The following ADGRG3 variants were observed in gnomAD, a reference collection of about 807,000 sequenced individuals.
ADGRG3 encodes G protein-coupled receptor 97.
ADGRG3 carries 39 observed loss-of-function variants against 54.3 expected under a neutral mutation model. The observed-to-expected ratio is 0.72, with a 90% CI of 0.56 to 0.94. ADGRG3 has a LOEUF of 0.94. Among genes scored for constraint, ADGRG3 ranks in the 40% least tolerant of loss-of-function variants. The pLI, the probability that ADGRG3 is intolerant of heterozygous loss-of-function variation, is 0.00. For synonymous variants in ADGRG3, 312 were observed against 290.0 expected (o/e 1.08, Z -0.77); for missense variants, 654 against 694.6 (o/e 0.94, Z 0.66).
rs756896415 is a variant in ADGRG3 at position 57,684,045 on chromosome 16, A to AG, written c.999dup (p.Ser334ValfsTer2). The AG allele has an allele frequency of 1.2e-6, 2 of 1,613,866 alleles. No homozygotes were observed. Among genetic ancestry groups the AG allele is most frequent in the Admixed American group, 3.3e-5 (2 of 59,996 alleles). ...TTGGTCAATGTGGGGAGTGGCTCAA[A>AG]GGGGTCTGATGCTGCCTGCTGGGCC... On this transcript the variant is annotated frameshift_variant, in exon 9 of 12. Coordinates refer to ENST00000333493, the MANE Select transcript of ADGRG3 (RefSeq NM_170776.5). LOFTEE classifies it high-confidence loss of function.
At chr16:57,667,261 G>A (rs535937878), upstream of ADGRG3, among the ~76,000 whole-genome samples, 3 of 152,234 alleles carry the variant, frequency 2.0e-5, no homozygotes, top group African/African-American at 7.2e-5. Flanking sequence ...GGCTGAGTAG[G>A]GCTAGTGCCA....
intron 1 of ADGRG3, among the ~76,000 whole-genome samples, chr16:57,670,131 C>T (rs2048127797): frequency 6.6e-6 from 1 of 152,206 alleles, no homozygotes; most frequent in African/African-American, 2.4e-5. Context: ...TCCTCCTGCC[C>T]TCTGACCTCC....
intron 1 of ADGRG3, among the ~76,000 whole-genome samples, chr16:57,671,332 G>GT (rs60592653): frequency 0.018 from 1,562 of 86,328 alleles, 46 homozygotes; most frequent in African/African-American, 0.021. Flanking sequence ...TAGAATAGGA[G>GT]TTTTTTTTTT....
intron 5 of ADGRG3, 45 bp from the exon 6 acceptor site, chr16:57,679,771 A>C (rs1167106802): frequency 1.3e-6 from 2 of 1,542,180 alleles, no homozygotes; most frequent in Non-Finnish European, 1.8e-6. Context: ...GCCCTCCCCC[A>C]AACTTCCCTT....
At chr16:57,685,104 G>A (rs2048449060) in intron 10 of ADGRG3, among the ~76,000 whole-genome samples, 1 of 152,210 alleles carries the variant, frequency 6.6e-6, no homozygotes, top group Non-Finnish European at 1.5e-5. Context: ...CACACCTTGG[G>A]ATCCATGGGG....
At chr16:57,680,241 C>T in intron 6 of ADGRG3, 24 bp from the exon 7 acceptor site, 1 of 1,378,860 alleles carries the variant, frequency 7.3e-7, no homozygotes, top group East Asian at 2.6e-5. Context: ...CCCTTTCCCT[C>T]TGTTCCCCTG....
intron 2 of ADGRG3, chr16:57,674,659 C>T: frequency 2.4e-6 from 1 of 417,290 alleles, no homozygotes; most frequent in Non-Finnish European, 4.8e-6. Flanking sequence ...GGTATATGCC[C>T]AAAAGAATTT....
rs1173815696 is a variant in ADGRG3 at position 57,685,878 on chromosome 16, T to C, written c.1492T>C (p.Leu498=). ...VTWGLAIFTP[L]GLSTVYIFAL... is the part of the protein sequence containing the mutation. ...ATGGGGGTTGGCCATCTTCACCCCG[T>C]TGGGCCTCTCCACCGTCTACATCTT... The change falls in exon 11 of 12, where the codon TTG becomes CTG. Residue 498 remains leucine, a synonymous_variant. Transcript: ENST00000333493. 4.3e-6 allele frequency: 7 copies of C among 1,614,116 alleles called. No individual in the cohort carries two copies. The South Asian group carries it at 4.4e-5, about 10-fold the overall frequency.
At position 57,680,282 on chromosome 16, in the gene ADGRG3, T is replaced by C. The variant is rs749245144; in HGVS notation, c.685T>C (p.Ser229Pro). 6.2e-7 allele frequency: 1 copy of C among 1,603,998 alleles called. No homozygotes were observed. Among genetic ancestry groups the C allele is most frequent in the Non-Finnish European group, 8.5e-7 (1 of 1,175,950 alleles). ...CTCTCCAGGGACCACTGGAGACTGGTCTTCTGAGGGCTGCTCCACGGAGGT... is the reference window on the plus strand; with the variant it reads ...CTCTCCAGGGACCACTGGAGACTGGCCTTCTGAGGGCTGCTCCACGGAGGT... Reference protein sequence around the residue: ...DVTKGTTGDWSSEGCSTEVRP... With the variant: ...DVTKGTTGDWPSEGCSTEVRP... The change falls in exon 7 of 12, where the codon TCT becomes CCT. Residue 229 changes from serine to proline, a missense_variant. Ser to Pro is a moderately conservative substitution (Grantham distance 74). Coordinates refer to ENST00000333493, the MANE Select transcript of ADGRG3 (RefSeq NM_170776.5).
chr16:57,678,375 C>G, intron 4 of ADGRG3, 59 bp downstream of exon 4: 1 of 1,553,950 alleles, frequency 6.4e-7, no homozygotes, highest in Non-Finnish European at 8.9e-7. Context: ...CTCCATGCCA[C>G]AGTTTGCTGT....
Position 57,678,515 on chromosome 16 carries a change from C to A in ADGRG3, c.492+199C>A, listed in dbSNP as rs1271373319. Reference sequence around the variant, plus strand: ...ATGGTCTTCAGACTCACACTGGTCACACGCTCTCAGATGTTTGACCCCCAC... The same window carrying A: ...ATGGTCTTCAGACTCACACTGGTCAAACGCTCTCAGATGTTTGACCCCCAC... On this transcript the variant is annotated intron_variant, in intron 4 of 11. Transcript: ENST00000333493. The A allele has an allele frequency of 8.4e-6, 5 of 592,768 alleles. No individual in the cohort carries two copies. In the African/African-American group the frequency reaches 9.3e-5, roughly 11 times the overall value. The allele number at this position is 592,768 out of a possible 1,614,324, so 36.7% of individuals were successfully genotyped here. A position where few individuals can be genotyped will look rare whatever the true frequency, so the allele number is the denominator to read the frequency against.
Position 57,683,930 on chromosome 16 carries a change from A to T in ADGRG3, c.882-2A>T. 3 of 1,540,292 alleles carry T rather than the reference A, an allele frequency of 1.9e-6. No individual in the cohort carries two copies. Among genetic ancestry groups the T allele is most frequent in the Non-Finnish European group, 2.6e-6 (3 of 1,143,206 alleles). On this transcript the variant is annotated splice_acceptor_variant, in intron 8 of 11. Transcript: ENST00000333493. LOFTEE classifies it high-confidence loss of function. ...CTTGGGGCCTCTTATTTCTCACCCC[A>T]GGCTTTCCCGGGAGAGGTTCAAGTC...
In ADGRG3 at chr16:57,684,116, A is replaced by ACTC. The variant is rs1425487136; in HGVS notation, c.1066_1067insCTC (p.Met356delinsThrLeu). The ACTC allele has an allele frequency of 6.2e-7, 1 of 1,613,854 alleles. No individual in the cohort carries two copies. Among genetic ancestry groups the ACTC allele is most frequent in the Non-Finnish European group, 8.5e-7 (1 of 1,179,970 alleles). On this transcript the variant is annotated protein_altering_variant, in exon 9 of 12. Transcript: ENST00000333493. ...CTTCCTGCTCTGTGCCTTCACCTGGATGGGCCTTGAAGCCTTCCACCTCTA... is the reference window on the plus strand; with the variant it reads ...CTTCCTGCTCTGTGCCTTCACCTGGACTCTGGGCCTTGAAGCCTTCCACCTCTA...
chr16:57,666,349 T>C (rs1372656969), upstream of ADGRG3, among the ~76,000 whole-genome samples: 2 of 152,222 alleles, frequency 1.3e-5, no homozygotes, highest in Non-Finnish European at 1.5e-5. Flanking sequence ...CCTTCTCAGG[T>C]AGGCCCTGCA....
chr16:57,668,213 C>A (rs907462419), upstream of ADGRG3: 30 of 687,388 alleles, frequency 4.4e-5, no homozygotes, highest in Non-Finnish European at 6.9e-5. Context: ...CGCCATCGAG[C>A]AGGAAGGGTG....
In ADGRG3 at chr16:57,685,712, C is replaced by T. The variant is rs1431008245; in HGVS notation, c.1326C>T (p.Thr442=). 1.2e-6 allele frequency: 2 copies of T among 1,614,116 alleles called. No individual in the cohort carries two copies. Among genetic ancestry groups the T allele is most frequent in the African/African-American group, 2.7e-5 (2 of 74,932 alleles). The change falls in exon 11 of 12, where the codon ACC becomes ACT. Residue 442 remains threonine, a synonymous_variant. Coordinates refer to ENST00000333493, the MANE Select transcript of ADGRG3 (RefSeq NM_170776.5). ...CCGTCCACGGCTACTTCCTCATCAC[C>T]TTCCTCTTTGGCATGGTGGTCCTGG... ...YITVHGYFLI[T]FLFGMVVLAL...
chr16:57,672,253 T>G (rs916525860), intron 1 of ADGRG3, among the ~76,000 whole-genome samples: 3 of 151,862 alleles, frequency 2.0e-5, no homozygotes, highest in Admixed American at 6.6e-5. Flanking sequence ...TCGGCAGGGC[T>G]TGGTGGCTCA....
At chr16:57,676,913 G>A (rs1214054458) in intron 3 of ADGRG3, among the ~76,000 whole-genome samples, 1 of 152,246 alleles carries the variant, frequency 6.6e-6, no homozygotes, top group Non-Finnish European at 1.5e-5. Context: ...GAATGCTTGG[G>A]ATAGTGAGGG....
At chr16:57,681,383 T>TGTGTGTGC (rs1283006100) in intron 8 of ADGRG3, among the ~76,000 whole-genome samples, 14 of 88,210 alleles carry the variant, frequency 1.6e-4, no homozygotes, top group African/African-American at 6.9e-4. Flanking sequence ...TGTGCGCGCG[T>TGTGTGTGC]GCGTGCGCGC....
Sources: allele counts gnomAD v4.1 joint callset (sites outside exome capture counted in the v4.1 genomes callset), GRCh38; gene constraint gnomAD v4.1.1; transcripts MANE v1.5; gene names NCBI Gene and HGNC (gene_info 2026-07-23, HGNC 2026-07-21).